MED16: variants seen among roughly 807,000 people sequenced by gnomAD.
The protein encoded by MED16 is mediator of RNA polymerase II transcription subunit 16.
Under a neutral mutation model 84.4 loss-of-function variants are expected in MED16, and 81 were observed. That is an observed-to-expected ratio of 0.96 (90% confidence interval 0.80 to 1.15). The LOEUF (loss-of-function observed/expected upper bound fraction) is 1.15, where lower values mean the gene tolerates loss of function less well. Ranked by LOEUF, MED16 falls within the 50% of genes most tolerant of loss-of-function variation. The probability of loss-of-function intolerance (pLI) is 0.00; values close to 1 mark genes in which losing one functional copy is unlikely to be tolerated. For synonymous variants in MED16, 897 were observed against 552.2 expected (o/e 1.62, Z -8.76); for missense variants, 1,585 against 1,245.9 (o/e 1.27, Z -4.10).
chr19:876,345 CCTT>C (rs2036229112), intron 9 of MED16, among the ~76,000 whole-genome samples: 1 of 152,104 alleles, frequency 6.6e-6, no homozygotes, highest in Non-Finnish European at 1.5e-5. Context: ...TCCCTCCTCT[CCTT>C]CCGACGGGCG....
At chr19:873,609 C>T in intron 10 of MED16, 27 bp from the exon 11 acceptor site, 1 of 1,610,718 alleles carries the variant, frequency 6.2e-7, no homozygotes, top group South Asian at 1.1e-5. Flanking sequence ...GTCGGGTCAG[C>T]TCGGGCCTCT....
At chr19:890,056 C>T in intron 3 of MED16, 81 bp downstream of exon 3, 1 of 1,154,694 alleles carries the variant, frequency 8.7e-7, no homozygotes, top group Non-Finnish European at 1.2e-6. Flanking sequence ...CGCCGGACTC[C>T]AGACTGACCG....
At position 871,620 on chromosome 19, in the gene MED16, C is replaced by T. The variant is rs770551860; in HGVS notation, c.2098+306G>A. The T allele has an allele frequency of 2.0e-5, 32 of 1,595,594 alleles. No individual in the cohort carries two copies. The Admixed American group carries it at 3.7e-4, about 18-fold the overall frequency. ...CAAACAGGTGCCTGGAAGTGGCTGC[C>T]ATCCCAAAAGCACCCACACAGAGCA... On this transcript the variant is annotated intron_variant, in intron 12 of 15. Coordinates refer to ENST00000325464, the MANE Select transcript of MED16 (RefSeq NM_005481.3).
Position 891,018 on chromosome 19 carries a change from G to C in MED16, c.114C>G (p.Ala38=). The part of the protein sequence containing the change: ...THCPSVPLAC[A]WSCRNLIAFT... ...AGGCGATGAGATTTCGGCAGGACCA[G>C]GCGCAGGCCAGGGGCACCGATGGGC... The change falls in exon 2 of 16, where the codon GCC becomes GCG. Residue 38 remains alanine, a synonymous_variant. Coordinates refer to ENST00000325464, the MANE Select transcript of MED16 (RefSeq NM_005481.3). The C allele has an allele frequency of 6.2e-6, 10 of 1,614,132 alleles. No homozygotes were observed. The highest frequency in any genetic ancestry group is 7.6e-6 in the Non-Finnish European group (9 of 1,180,032).
At chr19:873,336 TCCAACTAGGGG>T in intron 11 of MED16, 102 bp downstream of exon 11, 1 of 332,838 alleles carries the variant, frequency 3.0e-6, no homozygotes, top group South Asian at 5.7e-5. Flanking sequence ...GGGGCGGGAC[TCCAACTAGGGG>T]CGGGGCTGAG....
intron 1 of MED16, chr19:892,367 C>T (rs1293119794): frequency 1.9e-5 from 3 of 156,610 alleles, no homozygotes; most frequent in Admixed American, 1.3e-4. Flanking sequence ...CAGGCTTCAC[C>T]GTAGGGGTCC....
chr19:876,880 C>CCACCACCTGCCACGGGG (rs2036247758), intron 9 of MED16, 94 bp downstream of exon 9: 64 of 1,134,108 alleles, frequency 5.6e-5, no homozygotes, highest in Admixed American at 1.8e-4. Flanking sequence ...TGCCACGGGG[C>CCACCACCTGCCACGGGG]CCCCACCTGC....
At position 885,803 on chromosome 19, in the gene MED16, G is replaced by T. The variant is rs753147556; in HGVS notation, c.846C>A (p.His282Gln). ...ACATGTCCCGGGCCAGGAACTTGAG[G>T]TGGGTGATGGCGGGAAACTTGTCCT... ...NRKDKFPAIT[H>Q]LKFLARDMSE... The change falls in exon 5 of 16, where the codon CAC becomes CAA. Residue 282 changes from histidine (H) to glutamine (Q), a missense_variant. By Grantham distance (24) the His-to-Gln change is conservative (BLOSUM62 0). Transcript: ENST00000325464. The T allele has an allele frequency of 6.2e-7, 1 of 1,612,282 alleles. No homozygotes were observed. The highest frequency in any genetic ancestry group is 2.2e-5 in the East Asian group (1 of 44,862).
At chr19:874,535 T>A (rs1365618897) in intron 10 of MED16, among the ~76,000 whole-genome samples, 1 of 152,020 alleles carries the variant, frequency 6.6e-6, no homozygotes, top group Non-Finnish European at 1.5e-5. Flanking sequence ...TGCTTAGCCT[T>A]TCTGCCTCAG....
At chr19:869,564 C>T (rs1683589) in intron 13 of MED16, among the ~76,000 whole-genome samples, 3 of 152,130 alleles carry the variant, frequency 2.0e-5, no homozygotes, top group African/African-American at 4.8e-5. Flanking sequence ...TCGTGTGTGA[C>T]TCATTAGGAG....
rs748113309 is a variant in MED16, at chr19:885,966, A to C, written c.683T>G (p.Val228Gly). Residue 228 changes from valine (V) to glycine (G), a missense_variant, in exon 5 of 16, where the codon GTG becomes GGG. Coordinates refer to ENST00000325464, the MANE Select transcript of MED16 (RefSeq NM_005481.3). ...CGCGCTGCTGCCGTCCGCCGTGGCC[A>C]CCACGATGTTGCCGCCGCCGGTGAA... is the stretch of plus-strand genomic sequence containing the variant. ...IAFTGGGNIV[V>G]ATADGSSASP... is the part of the protein sequence containing the mutation. The C allele has an allele frequency of 2.5e-6, 4 of 1,611,812 alleles. No individual in the cohort carries two copies. The highest frequency in any genetic ancestry group is 3.4e-6 in the Non-Finnish European group (4 of 1,179,570).
intron 1 of MED16, 115 bp from the exon 2 acceptor site, chr19:891,264 G>A (rs2036626134): frequency 6.7e-6 from 7 of 1,051,292 alleles, no homozygotes; most frequent in Admixed American, 2.6e-5. Context: ...AACAGCCGAT[G>A]CAAAGGCCCG....
At position 890,330 on chromosome 19, in the gene MED16, G is replaced by GGT. The variant is rs1568334146; in HGVS notation, c.170-88_170-87dup. ...ACTCCAGGCAGGCTCCAGGTAAGCC[G>GGT]GTGTGTGTCCCACCCCAGGAAGGTC... On this transcript the variant is annotated intron_variant, in intron 2 of 15. Transcript: ENST00000325464. 2.0e-5 allele frequency: 19 copies of GGT among 928,378 alleles called. No homozygotes were observed. In the East Asian group the frequency reaches 5.2e-4, roughly 25 times the overall value. 57.5% of individuals were successfully genotyped at this position (928,378 alleles called of 1,614,324 possible).
At chr19:882,942 C>T (rs182449054) in intron 6 of MED16, among the ~76,000 whole-genome samples, 47 of 152,312 alleles carry the variant, frequency 3.1e-4, no homozygotes, top group South Asian at 1.0e-3. Context: ...CTGAGACGCC[C>T]AGAGGGCACA....
Position 880,048 on chromosome 19 carries a change from C to T in MED16, c.1242G>A (p.Val414=), listed in dbSNP as rs2036385524. 1.2e-6 allele frequency: 2 copies of T among 1,611,000 alleles called. No individual in the cohort carries two copies. The highest frequency in any genetic ancestry group is 1.3e-5 in the African/African-American group (1 of 74,910). Residue 414 remains valine, a synonymous_variant, in exon 8 of 16, where the codon GTG becomes GTA. Transcript: ENST00000325464. ...GGGGGCGCTTCATGGCCGGCTCATCCACAGGCCTCGGGGCCGCGGAGCTGT... is the reference window on the plus strand; with the variant it reads ...GGGGGCGCTTCATGGCCGGCTCATCTACAGGCCTCGGGGCCGCGGAGCTGT... ...VFYSSAAPRP[V]DEPAMKRPRT... is the part of the protein sequence containing the mutation.
chr19:868,655 T>C (rs932709776), intron 14 of MED16, among the ~76,000 whole-genome samples, 156 bp from the exon 15 acceptor site: 3 of 151,618 alleles, frequency 2.0e-5, no homozygotes, highest in African/African-American at 7.3e-5. Context: ...CCCATGCTTC[T>C]CCTCCCCCCA....
intron 13 of MED16, among the ~76,000 whole-genome samples, chr19:870,723 G>C (rs957603552): frequency 6.6e-6 from 1 of 151,904 alleles, no homozygotes; most frequent in East Asian, 1.9e-4. Flanking sequence ...ATGGAGGGAA[G>C]GAGCCGTATG....
At chr19:871,457 C>T (rs2288546) in intron 12 of MED16, 224,097 of 1,409,028 alleles carry the variant, frequency 0.16, 19,727 homozygotes, top group Middle Eastern at 0.19. Context: ...AGTTCTCTCC[C>T]CGTCTCTGGC....
intron 13 of MED16, among the ~76,000 whole-genome samples, chr19:869,264 G>A (rs1249197692): frequency 1.3e-5 from 2 of 152,198 alleles, no homozygotes; most frequent in African/African-American, 4.8e-5. Context: ...GGGAGCCTGA[G>A]GTGCAGGGAA....
Sources: allele counts gnomAD v4.1 joint callset (sites outside exome capture counted in the v4.1 genomes callset), GRCh38; gene constraint gnomAD v4.1.1; transcripts MANE v1.5; gene names NCBI Gene and HGNC (gene_info 2026-07-23, HGNC 2026-07-21).